The following PAQR5 variants were observed in gnomAD, a reference collection of about 807,000 sequenced individuals.
The protein encoded by PAQR5 is progestin and adipoQ receptor family member 5.
PAQR5 carries 20 observed loss-of-function variants against 34.5 expected under a neutral mutation model. The ratio of observed to expected loss-of-function variants is 0.58; its 90% CI spans 0.41 to 0.84. PAQR5 has a LOEUF of 0.84. Among genes scored for constraint, PAQR5 ranks in the 40% least tolerant of loss-of-function variants. PAQR5 has a pLI of 0.00. For missense variants in PAQR5, 378 were observed against 412.7 expected (o/e 0.92, Z 0.73); for synonymous variants, 131 against 155.6 (o/e 0.84, Z 1.18).
chr15:69,378,141 G>C (rs1458562063), intron 3 of PAQR5, among the ~76,000 whole-genome samples: 1 of 151,532 alleles, frequency 6.6e-6, no homozygotes, highest in Non-Finnish European at 1.5e-5. Flanking sequence ...GCATGCGCTT[G>C]TAATCCCCGC....
chr15:69,309,608 G>A (rs1297837375), intron 1 of PAQR5, among the ~76,000 whole-genome samples: 2 of 152,134 alleles, frequency 1.3e-5, no homozygotes, highest in African/African-American at 4.8e-5. Flanking sequence ...CCTCCTCAGA[G>A]GCAATGTTAC....
Position 69,403,650 on chromosome 15 carries a change from T to A in PAQR5, c.821T>A (p.Leu274Gln), listed in dbSNP as rs767423725. ...CACATGCAGATGGAAGCCATACTTC[T>A]GGACAAGACTCTGAGGAAGGAATGG... ...ATHMQMEAIL[L>Q]DKTLRKEWLL... The change falls in exon 9 of 9, where the codon CTG becomes CAG. Residue 274 changes from leucine to glutamine, a missense_variant. Transcript: ENST00000395407. 1 of 1,614,162 alleles carries A rather than the reference T, an allele frequency of 6.2e-7. No individual in the cohort carries two copies. The highest frequency in any genetic ancestry group is 1.1e-5 in the South Asian group (1 of 91,080).
chr15:69,326,872 A>T (rs2054265933), intron 1 of PAQR5, among the ~76,000 whole-genome samples: 1 of 151,746 alleles, frequency 6.6e-6, no homozygotes, highest in Admixed American at 6.6e-5. Flanking sequence ...ATGAACAAAC[A>T]TGGATGCATT....
intron 2 of PAQR5, among the ~76,000 whole-genome samples, chr15:69,343,381 G>A (rs760928890): frequency 1.3e-5 from 2 of 152,098 alleles, no homozygotes; most frequent in African/African-American, 2.4e-5. Context: ...ACTTATTTGG[G>A]ATCCTTTCAG....
intron 4 of PAQR5, among the ~76,000 whole-genome samples, chr15:69,384,472 T>C (rs1197756355): frequency 2.6e-3 from 26 of 9,816 alleles, no homozygotes; most frequent in African/African-American, 4.4e-3. Context: ...GGAGGGTGAG[T>C]GGGCCCTCCG....
intron 5 of PAQR5, 131 bp from the exon 6 acceptor site, chr15:69,389,523 A>G: frequency 8.7e-7 from 1 of 1,146,690 alleles, no homozygotes; most frequent in Non-Finnish European, 1.3e-6. Flanking sequence ...GGGGAATGGC[A>G]CCAGCGAGGG....
rs145690420 is a variant in PAQR5, at chr15:69,340,974, C to T, written c.-116+3473C>T. On this transcript the variant is annotated intron_variant, in intron 2 of 8. Transcript: ENST00000395407. ...ATTATGGAGCAGACTACAAAAAGCA[C>T]GTGCTTTTTAATGATACTTTTTTAT... 9.3e-4 allele frequency among the ~76,000 whole-genome samples: 141 copies of T among 152,228 alleles called. 1 individual carries two copies. The East Asian group carries it at 0.012, about 13-fold the overall frequency.
intron 1 of PAQR5, among the ~76,000 whole-genome samples, chr15:69,302,711 G>T (rs2053631418): frequency 6.6e-6 from 1 of 152,166 alleles, no homozygotes; most frequent in Non-Finnish European, 1.5e-5. Context: ...CCTGGGGTTA[G>T]TCAGTTCTGT....
chr15:69,398,354 C>T lies in PAQR5; in HGVS notation c.609+790C>T, dbSNP rs534527967. Among the ~76,000 whole-genome samples the T allele has an allele frequency of 6.4e-4, 98 of 152,226 alleles. 2 individuals carry two copies. Among genetic ancestry groups the T allele is most frequent in the Non-Finnish European group, 9.6e-4 (65 of 68,014 alleles). ...ATACGGGCTTGAGTTCAAATTCTGG[C>T]CCCACTGCTCACTGGCTATGTGACC... On this transcript the variant is annotated intron_variant, in intron 7 of 8. Transcript: ENST00000395407.
Position 69,385,052 on chromosome 15 carries a change from A to C in PAQR5, c.385+170A>C, listed in dbSNP as rs1399226923. 6.6e-6 allele frequency among the ~76,000 whole-genome samples: 1 copy of C among 152,186 alleles called. No individual in the cohort carries two copies. Among genetic ancestry groups the C allele is most frequent in the Non-Finnish European group, 1.5e-5 (1 of 68,030 alleles). ...GGGTGTTTTATAAGAAACTGTCCAT[A>C]AGCATGCTGCTAAATATTTAGCCAC... On this transcript the variant is annotated intron_variant, in intron 5 of 8. Coordinates refer to ENST00000395407, the MANE Select transcript of PAQR5 (RefSeq NM_017705.4). The surrounding 1 kb of genome is among the most constrained non-coding windows in gnomAD (Gnocchi z 4.7).
intron 3 of PAQR5, among the ~76,000 whole-genome samples, chr15:69,360,911 A>G (rs2055214270): frequency 6.6e-6 from 1 of 152,202 alleles, no homozygotes; most frequent in South Asian, 2.1e-4. Flanking sequence ...CTTGCCCCAG[A>G]AAAATAAGTT....
At chr15:69,374,599 C>T (rs765297540) in intron 3 of PAQR5, among the ~76,000 whole-genome samples, 2 of 152,154 alleles carry the variant, frequency 1.3e-5, no homozygotes, top group African/African-American at 2.4e-5. Flanking sequence ...ATCACTTGAA[C>T]CCAGGAGGCA....
chr15:69,381,350 C>T (rs1310718134), intron 4 of PAQR5, among the ~76,000 whole-genome samples: 1 of 152,168 alleles, frequency 6.6e-6, no homozygotes, highest in Non-Finnish European at 1.5e-5. Context: ...CTGCCTTCCT[C>T]TTACTTCCCT....
At chr15:69,345,129 AGAAAG>A (rs1446969267) in intron 2 of PAQR5, among the ~76,000 whole-genome samples, 2 of 151,906 alleles carry the variant, frequency 1.3e-5, no homozygotes, top group African/African-American at 4.8e-5. Context: ...AAGAGAAAGA[AGAAAG>A]GAAAGAAAGA....
At chr15:69,344,701 C>T (rs77713388) in intron 2 of PAQR5, among the ~76,000 whole-genome samples, 1,626 of 152,240 alleles carry the variant, frequency 0.011, 22 homozygotes, top group African/African-American at 0.037. Flanking sequence ...ACTTTGTTGG[C>T]GGTAAGAGTA....
intron 2 of PAQR5, among the ~76,000 whole-genome samples, chr15:69,350,793 G>T (rs975435944): frequency 6.6e-6 from 1 of 152,128 alleles, no homozygotes; most frequent in African/African-American, 2.4e-5. Flanking sequence ...ATATAGGGGA[G>T]GCTGGGTTCC....
intron 1 of PAQR5, among the ~76,000 whole-genome samples, chr15:69,304,161 C>G (rs1378558546): frequency 6.6e-6 from 1 of 152,182 alleles, no homozygotes; most frequent in African/African-American, 2.4e-5. Flanking sequence ...CCCTACCCCC[C>G]CATCCTTGTC....
intron 8 of PAQR5, among the ~76,000 whole-genome samples, chr15:69,403,079 G>A (rs1335492056): frequency 6.6e-6 from 1 of 152,266 alleles, no homozygotes. Context: ...GCACTGAAGT[G>A]AGACTCTGAG....
chr15:69,345,804 G>T lies in PAQR5; in HGVS notation c.-116+8303G>T, dbSNP rs1239308239. Reference sequence around the variant, plus strand: ...AAAAAGAAATCTTGCATAGTCAGGGGTGCCTGTAGTCCCAGGTACTTGGGA... The same window carrying T: ...AAAAAGAAATCTTGCATAGTCAGGGTTGCCTGTAGTCCCAGGTACTTGGGA... On this transcript the variant is annotated intron_variant, in intron 2 of 8. Coordinates refer to ENST00000395407, the MANE Select transcript of PAQR5 (RefSeq NM_017705.4). Among the ~76,000 whole-genome samples, 4 of 152,250 alleles carry T rather than the reference G, an allele frequency of 2.6e-5. No individual in the cohort carries two copies. The South Asian group carries it at 8.3e-4, about 32-fold the overall frequency.
Sources: allele counts gnomAD v4.1 joint callset (sites outside exome capture counted in the v4.1 genomes callset), GRCh38; gene constraint gnomAD v4.1.1; non-coding constraint Gnocchi (gnomAD v3.1); transcripts MANE v1.5; gene names NCBI Gene and HGNC (gene_info 2026-07-23, HGNC 2026-07-21).